Variants in CAMK1D observed in about 807,000 individuals in gnomAD.
CAMK1D encodes calcium/calmodulin-dependent protein kinase type 1D.
A neutral mutation model predicts 47.7 loss-of-function variants in CAMK1D; 9 were observed. The observed-to-expected ratio is 0.19, with a 90% confidence interval of 0.11 to 0.33. The LOEUF is 0.33. CAMK1D is among the 10% of genes least tolerant of loss of function. CAMK1D has a pLI of 1.00. For missense variants in CAMK1D, 291 were observed against 488.7 expected (o/e 0.60, Z 3.81); for synonymous variants, 184 against 184.9 (o/e 0.99, Z 0.04).
intron 1 of CAMK1D, among the ~76,000 whole-genome samples, chr10:12,471,036 C>T (rs925819742): frequency 3.9e-5 from 6 of 152,052 alleles, no homozygotes; most frequent in Admixed American, 6.6e-5. Context: ...GCTCCTTTTC[C>T]TCCTTCCTCC....
intron 3 of CAMK1D, among the ~76,000 whole-genome samples, chr10:12,727,458 G>T (rs2130802477): frequency 6.6e-6 from 1 of 152,328 alleles, no homozygotes; most frequent in South Asian, 2.1e-4. Context: ...CGTTTGCACT[G>T]TGATTGAGAA....
chr10:12,388,247 G>A (rs957235772), intron 1 of CAMK1D, among the ~76,000 whole-genome samples: 2 of 152,132 alleles, frequency 1.3e-5, no homozygotes, highest in Non-Finnish European at 2.9e-5. Context: ...GGCTGATCTC[G>A]AACTCCTGAC....
At chr10:12,743,287 C>T (rs540943638) in intron 3 of CAMK1D, among the ~76,000 whole-genome samples, 26 of 147,778 alleles carry the variant, frequency 1.8e-4, no homozygotes, top group African/African-American at 6.3e-4. Flanking sequence ...GCAGAGGTTG[C>T]AGTGAGCCAA....
chr10:12,764,779 T>A (rs1564544533), intron 4 of CAMK1D, among the ~76,000 whole-genome samples: 2 of 152,202 alleles, frequency 1.3e-5, no homozygotes, highest in Admixed American at 6.5e-5. Context: ...TTGTTTCAAC[T>A]GATTGGCGAC....
chr10:12,589,814 A>C (rs1347046638), intron 2 of CAMK1D, among the ~76,000 whole-genome samples: 1 of 152,184 alleles, frequency 6.6e-6, no homozygotes, highest in Non-Finnish European at 1.5e-5. Flanking sequence ...GCAGTTATTT[A>C]GTAATTTCTG....
intron 1 of CAMK1D, among the ~76,000 whole-genome samples, chr10:12,539,565 C>CAG (rs1836096545): frequency 6.6e-6 from 1 of 152,204 alleles, no homozygotes; most frequent in Admixed American, 6.5e-5. Flanking sequence ...TTGTAGCAGT[C>CAG]AGAGAGCAGA....
chr10:12,610,275 A>G (rs537589602), intron 2 of CAMK1D, among the ~76,000 whole-genome samples: 10 of 152,318 alleles, frequency 6.6e-5, no homozygotes, highest in Admixed American at 5.2e-4. Flanking sequence ...AGAGATGGGC[A>G]GGTAGCTTGA....
intron 1 of CAMK1D, among the ~76,000 whole-genome samples, chr10:12,423,959 G>T (rs1840141033): frequency 6.6e-6 from 1 of 152,142 alleles, no homozygotes; most frequent in Non-Finnish European, 1.5e-5. Flanking sequence ...GAGCTGCGTT[G>T]TTCGGTCCCC....
At chr10:12,592,408 A>G (rs1838023832) in intron 2 of CAMK1D, among the ~76,000 whole-genome samples, 1 of 152,334 alleles carries the variant, frequency 6.6e-6, no homozygotes, top group East Asian at 1.9e-4. Flanking sequence ...TTAAACATCA[A>G]TAATGAACTT....
At chr10:12,643,803 G>C (rs1839733406) in intron 2 of CAMK1D, among the ~76,000 whole-genome samples, 1 of 151,570 alleles carries the variant, frequency 6.6e-6, no homozygotes, top group Non-Finnish European at 1.5e-5. Flanking sequence ...AGAATTGCTT[G>C]AACCTGGGGG....
chr10:12,716,705 C>T (rs1834150099), intron 3 of CAMK1D, among the ~76,000 whole-genome samples: 1 of 152,040 alleles, frequency 6.6e-6, no homozygotes, highest in Non-Finnish European at 1.5e-5. Context: ...AGTATGGCAT[C>T]ATGCAGAGAG....
At chr10:12,706,129 G>A (rs551750072) in intron 3 of CAMK1D, among the ~76,000 whole-genome samples, 86 of 152,278 alleles carry the variant, frequency 5.6e-4, no homozygotes, top group African/African-American at 2.0e-3. Flanking sequence ...TGGCTTCTAA[G>A]TGACTAACTG....
At position 12,643,142 on chromosome 10, in the gene CAMK1D, C is replaced by T. The variant is rs1839712604; in HGVS notation, c.225-23594C>T. Among the ~76,000 whole-genome samples the T allele has an allele frequency of 2.0e-5, 3 of 152,252 alleles. No homozygotes were observed. The South Asian group carries it at 6.2e-4, about 32-fold the overall frequency. ...TTAGCAGCCTGAGTAGCTGGAATTA[C>T]AGGCGCCCCCCACCACACCTGGCTA... On this transcript the variant is annotated intron_variant, in intron 2 of 10. Transcript: ENST00000619168.
At chr10:12,673,554 T>C (rs1290266670) in intron 3 of CAMK1D, among the ~76,000 whole-genome samples, 1 of 152,188 alleles carries the variant, frequency 6.6e-6, no homozygotes, top group Non-Finnish European at 1.5e-5. Context: ...ATTTTCTATC[T>C]CAATAATCAT....
chr10:12,419,435 G>A (rs1204519276), intron 1 of CAMK1D, among the ~76,000 whole-genome samples: 2 of 152,056 alleles, frequency 1.3e-5, no homozygotes, highest in African/African-American at 4.8e-5. Context: ...ATGAAAAATG[G>A]GGAAATACAC....
intron 2 of CAMK1D, among the ~76,000 whole-genome samples, chr10:12,573,362 G>A (rs1173065112): frequency 7.5e-6 from 1 of 133,180 alleles, no homozygotes; most frequent in African/African-American, 4.0e-5. Flanking sequence ...TTATCGTCAT[G>A]CAGAGCTGGT....
intron 1 of CAMK1D, among the ~76,000 whole-genome samples, chr10:12,453,317 G>A (rs1320167428): frequency 1.3e-5 from 2 of 151,718 alleles, no homozygotes; most frequent in Non-Finnish European, 2.9e-5. Context: ...AGCCTCCTGA[G>A]TAGCTGGGAT....
In CAMK1D at chr10:12,666,733, C is replaced by A; in HGVS notation, c.225-3C>A. The A allele has an allele frequency of 6.3e-7, 1 of 1,593,286 alleles. No homozygotes were observed. The highest frequency in any genetic ancestry group is 1.1e-5 in the South Asian group (1 of 88,412). On this transcript the variant is annotated splice_region_variant and splice_polypyrimidine_tract_variant and intron_variant, in intron 2 of 10. Transcript: ENST00000619168. ...TATTTTGTGCGTCTATTTTTTTTTTCAGGATTAAGCATGAAAATATTGTTG... is the reference window on the plus strand; with the variant it reads ...TATTTTGTGCGTCTATTTTTTTTTTAAGGATTAAGCATGAAAATATTGTTG...
intron 3 of CAMK1D, among the ~76,000 whole-genome samples, chr10:12,731,622 C>T (rs186357545): frequency 5.9e-5 from 9 of 152,072 alleles, no homozygotes; most frequent in Non-Finnish European, 7.4e-5. Context: ...AGAAGAGGGA[C>T]GGTGTATGGC....
Sources: gnomAD v4.1 joint callset for allele counts (sites outside exome capture counted in the v4.1 genomes callset) on GRCh38, gnomAD v4.1.1 for gene constraint, MANE v1.5 for transcripts, NCBI Gene and HGNC (gene_info 2026-07-23, HGNC 2026-07-21) for gene names.